PDSS2: variants seen among roughly 807,000 people sequenced by gnomAD.
PDSS2 encodes the protein all trans-polyprenyl-diphosphate synthase PDSS2.
A neutral mutation model predicts 44.5 loss-of-function variants in PDSS2; 31 were observed. That is an observed-to-expected ratio of 0.70 (90% CI 0.52 to 0.94). The LOEUF is 0.94. Ranked by LOEUF, PDSS2 falls within the 40% of genes least tolerant of loss-of-function variation. PDSS2 has a pLI of 0.00. For missense variants in PDSS2, 452 were observed against 482.2 expected (o/e 0.94, Z 0.59); for synonymous variants, 157 against 180.3 (o/e 0.87, Z 1.03).
intron 2 of PDSS2, among the ~76,000 whole-genome samples, chr6:107,281,576 T>A (rs1206013167): frequency 6.6e-6 from 1 of 152,214 alleles, no homozygotes; most frequent in Non-Finnish European, 1.5e-5. Context: ...CTATTTAACA[T>A]CGCTACTGAG....
At chr6:107,321,509 C>G (rs1164221964) in intron 2 of PDSS2, among the ~76,000 whole-genome samples, 1 of 152,202 alleles carries the variant, frequency 6.6e-6, no homozygotes, top group Non-Finnish European at 1.5e-5. Context: ...CGGCTTTTCC[C>G]GGAGTGTCCA....
chr6:107,413,016 A>C (rs1780552073), intron 1 of PDSS2, among the ~76,000 whole-genome samples: 1 of 152,214 alleles, frequency 6.6e-6, no homozygotes, highest in Non-Finnish European at 1.5e-5. Flanking sequence ...TAGGCTGTCT[A>C]TCCATGCACC....
At chr6:107,277,248 A>G (rs1245695263) in intron 2 of PDSS2, among the ~76,000 whole-genome samples, 3 of 152,232 alleles carry the variant, frequency 2.0e-5, no homozygotes, top group Non-Finnish European at 4.4e-5. Context: ...AGATTTCCAT[A>G]GCTGGAGAAA....
intron 4 of PDSS2, among the ~76,000 whole-genome samples, chr6:107,221,372 T>C (rs1280289089): frequency 7.4e-6 from 1 of 135,282 alleles, no homozygotes; most frequent in Non-Finnish European, 1.6e-5. Flanking sequence ...AAAAAAAAGA[T>C]ACACCTATAT....
At chr6:107,310,655 A>G (rs575390929) in intron 2 of PDSS2, among the ~76,000 whole-genome samples, 131 of 152,174 alleles carry the variant, frequency 8.6e-4, no homozygotes, top group African/African-American at 3.0e-3. Flanking sequence ...TTGCCTACAG[A>G]CCTCCAACTA....
intron 1 of PDSS2, among the ~76,000 whole-genome samples, chr6:107,429,371 ATCTG>A (rs1781099799): frequency 6.6e-6 from 1 of 152,182 alleles, no homozygotes; most frequent in African/African-American, 2.4e-5. Context: ...AGCAGAATTT[ATCTG>A]TCTGCAGAAA....
intron 1 of PDSS2, among the ~76,000 whole-genome samples, chr6:107,364,602 T>C (rs146480969): frequency 0.024 from 3,607 of 149,280 alleles, 112 homozygotes; most frequent in East Asian, 0.13. Flanking sequence ...CTGCACGCAG[T>C]CCCGGTTCCC....
chr6:107,194,953 CA>C (rs1221654276), intron 6 of PDSS2, among the ~76,000 whole-genome samples: 98 of 142,380 alleles, frequency 6.9e-4, no homozygotes, highest in Middle Eastern at 3.6e-3. Flanking sequence ...GACTCCATCT[CA>C]AAAAAAAAAA....
intron 6 of PDSS2, 46 bp downstream of exon 6, chr6:107,210,393 C>T (rs766283635): frequency 1.4e-6 from 2 of 1,406,484 alleles, no homozygotes; most frequent in South Asian, 2.3e-5. Flanking sequence ...GTTCTAAAAT[C>T]CACTAATTAC....
At chr6:107,169,852 G>T (rs1771499513) in intron 7 of PDSS2, among the ~76,000 whole-genome samples, 1 of 152,160 alleles carries the variant, frequency 6.6e-6, no homozygotes, top group Admixed American at 6.6e-5. Context: ...TTGTCTCAGA[G>T]GGGTACCCGG....
At chr6:107,438,467 G>A (rs1203186199) in intron 1 of PDSS2, among the ~76,000 whole-genome samples, 5 of 151,958 alleles carry the variant, frequency 3.3e-5, no homozygotes, top group Admixed American at 2.0e-4. Flanking sequence ...TACGCGCCTC[G>A]GCCTCCCAAA....
chr6:107,386,497 C>T (rs1281448409), intron 1 of PDSS2, among the ~76,000 whole-genome samples: 3 of 152,040 alleles, frequency 2.0e-5, no homozygotes, highest in Admixed American at 1.3e-4. Context: ...AAATCACTGA[C>T]ATTATTTGGT....
intron 3 of PDSS2, among the ~76,000 whole-genome samples, chr6:107,268,522 C>T (rs2114917465): frequency 6.6e-6 from 1 of 152,038 alleles, no homozygotes; most frequent in African/African-American, 2.4e-5. Flanking sequence ...CATGTACATA[C>T]AATAGAACAA....
At chr6:107,343,158 A>C (rs890050688) in intron 1 of PDSS2, among the ~76,000 whole-genome samples, 8 of 152,190 alleles carry the variant, frequency 5.3e-5, no homozygotes, top group Admixed American at 1.3e-4. Context: ...CAGTAAGTCT[A>C]TCCAAAAAAT....
intron 1 of PDSS2, among the ~76,000 whole-genome samples, chr6:107,364,217 G>C (rs1404974124): frequency 3.3e-5 from 5 of 152,232 alleles, no homozygotes; most frequent in Non-Finnish European, 7.3e-5. Context: ...AGGTGGAGCT[G>C]CCTGCCAGTC....
At chr6:107,172,054 TA>T (rs1169437558) in intron 7 of PDSS2, among the ~76,000 whole-genome samples, 1 of 152,190 alleles carries the variant, frequency 6.6e-6, no homozygotes, top group Non-Finnish European at 1.5e-5. Flanking sequence ...GTCAACTAAA[TA>T]ATTGTATAAG....
intron 7 of PDSS2, among the ~76,000 whole-genome samples, chr6:107,172,307 A>C (rs938174780): frequency 6.6e-6 from 1 of 152,238 alleles, no homozygotes; most frequent in Non-Finnish European, 1.5e-5. Flanking sequence ...TAAAATATTA[A>C]AGAGAAGGCC....
chr6:107,159,292 A>AGGAG (rs572473633), intron 7 of PDSS2, among the ~76,000 whole-genome samples: 3 of 123,772 alleles, frequency 2.4e-5, no homozygotes, highest in Non-Finnish European at 3.2e-5. Context: ...GAAGGAAGGA[A>AGGAG]GGAGGGAGGG....
At chr6:107,353,633 TCTTTA>T (rs1342898068) in intron 1 of PDSS2, among the ~76,000 whole-genome samples, 1 of 152,028 alleles carries the variant, frequency 6.6e-6, no homozygotes, top group African/African-American at 2.4e-5. Flanking sequence ...AGAAGCAAAG[TCTTTA>T]CTTACAAAAA....
Sources: allele counts gnomAD v4.1 joint callset (sites outside exome capture counted in the v4.1 genomes callset), GRCh38; gene constraint gnomAD v4.1.1; transcripts MANE v1.5; gene names NCBI Gene and HGNC (gene_info 2026-07-23, HGNC 2026-07-21).